PDE4B: variants seen among roughly 807,000 people sequenced by gnomAD.
PDE4B encodes the protein phosphodiesterase 4B, also known as 3',5'-cyclic-AMP phosphodiesterase 4B.
In PDE4B, 20 loss-of-function variants were observed where a neutral mutation model predicts 82.2. The ratio of observed to expected loss-of-function variants is 0.24; its 90% confidence interval spans 0.17 to 0.35. The LOEUF (loss-of-function observed/expected upper bound fraction) is 0.35. Among genes scored for constraint, PDE4B ranks in the 10% least tolerant of loss-of-function variants. PDE4B has a pLI of 1.00. For missense variants in PDE4B, 655 were observed against 907.2 expected (o/e 0.72, Z 3.57); for synonymous variants, 320 against 318.9 (o/e 1.00, Z -0.04).
intron 7 of PDE4B, among the ~76,000 whole-genome samples, chr1:66,304,573 A>G (rs568330611): frequency 3.5e-4 from 53 of 152,126 alleles, no homozygotes; most frequent in African/African-American, 1.2e-3. Flanking sequence ...GCCATTCTCA[A>G]TGCTTTCTAC....
chr1:66,149,309 T>A (rs959388318), intron 3 of PDE4B, among the ~76,000 whole-genome samples: 2 of 152,190 alleles, frequency 1.3e-5, no homozygotes, highest in African/African-American at 4.8e-5. Context: ...TTTAAATTAT[T>A]ATATTTTTAA....
At chr1:66,226,269 T>G (rs1651444840) in intron 3 of PDE4B, among the ~76,000 whole-genome samples, 1 of 144,772 alleles carries the variant, frequency 6.9e-6, no homozygotes, top group Non-Finnish European at 1.5e-5. Context: ...TCAGGCACTG[T>G]ACTAGGCTCT....
At chr1:65,805,747 A>G (rs1204681475) in intron 1 of PDE4B, among the ~76,000 whole-genome samples, 1 of 152,168 alleles carries the variant, frequency 6.6e-6, no homozygotes, top group Non-Finnish European at 1.5e-5. Context: ...GTAGAATTCT[A>G]GGAAGCCATT....
intron 6 of PDE4B, among the ~76,000 whole-genome samples, chr1:66,261,507 A>G (rs1654680196): frequency 6.6e-6 from 1 of 152,148 alleles, no homozygotes; most frequent in African/African-American, 2.4e-5. Context: ...TGTAGCATTT[A>G]AGCAATAATT....
intron 3 of PDE4B, among the ~76,000 whole-genome samples, chr1:65,943,608 CA>C (rs1308348586): frequency 1.3e-5 from 2 of 151,968 alleles, no homozygotes; most frequent in Non-Finnish European, 2.9e-5. Context: ...GACATTTTAA[CA>C]ATATGAATTC....
chr1:66,230,171 T>C (rs1330330982), intron 3 of PDE4B, among the ~76,000 whole-genome samples: 1 of 152,154 alleles, frequency 6.6e-6, no homozygotes, highest in Non-Finnish European at 1.5e-5. Context: ...CTTGCTCACA[T>C]ATGGACTTGA....
intron 3 of PDE4B, among the ~76,000 whole-genome samples, chr1:65,933,626 G>A (rs910367059): frequency 2.0e-5 from 3 of 151,856 alleles, no homozygotes; most frequent in Non-Finnish European, 4.4e-5. Context: ...CGAGATCATC[G>A]TGCCATTGCA....
intron 7 of PDE4B, among the ~76,000 whole-genome samples, chr1:66,278,390 G>A (rs1188730118): frequency 6.6e-6 from 1 of 152,220 alleles, no homozygotes; most frequent in Non-Finnish European, 1.5e-5. Flanking sequence ...AATCTGTGAT[G>A]CCAATCTGGA....
intron 1 of PDE4B, among the ~76,000 whole-genome samples, chr1:65,908,444 T>C (rs947458685): frequency 2.0e-5 from 3 of 152,086 alleles, no homozygotes; most frequent in Non-Finnish European, 4.4e-5. Flanking sequence ...TGGAGAAGGA[T>C]TTTGTGCTTT....
At chr1:65,881,763 C>T (rs1199423007) in intron 1 of PDE4B, among the ~76,000 whole-genome samples, 2 of 152,150 alleles carry the variant, frequency 1.3e-5, no homozygotes, top group Admixed American at 6.5e-5. Flanking sequence ...TTAAAGCAAC[C>T]TTAAGTTACC....
At chr1:65,887,259 C>CT (rs1646795739) in intron 1 of PDE4B, among the ~76,000 whole-genome samples, 1 of 45,010 alleles carries the variant, frequency 2.2e-5, no homozygotes, top group African/African-American at 9.5e-5. Flanking sequence ...TTCTTTCTTT[C>CT]TTTCCTTCCT....
chr1:65,877,290 C>A (rs922614702), intron 1 of PDE4B, among the ~76,000 whole-genome samples: 5 of 152,134 alleles, frequency 3.3e-5, no homozygotes, highest in African/African-American at 1.2e-4. Flanking sequence ...TTGACACAAA[C>A]AAGCAATGAG....
chr1:65,907,925 G>A lies in PDE4B; in HGVS notation c.-70-5320G>A, dbSNP rs368645659. 8.1e-4 allele frequency among the ~76,000 whole-genome samples: 124 copies of A among 152,222 alleles called. 1 individual carries two copies. The highest frequency in any genetic ancestry group is 3.3e-4 in the Admixed American group (5 of 15,268). ...ATCAAACTATTTCACGTTCTGTAAG[G>A]ATAGACATACACAAGGGTGGTCTCG... On this transcript the variant is annotated intron_variant, in intron 1 of 16. Coordinates refer to ENST00000341517, the MANE Select transcript of PDE4B (RefSeq NM_002600.4).
intron 3 of PDE4B, among the ~76,000 whole-genome samples, chr1:66,149,067 G>T (rs950299482): frequency 7.2e-5 from 11 of 152,176 alleles, no homozygotes; most frequent in African/African-American, 2.4e-4. Context: ...CCCAAAGAAG[G>T]TGTACCGTTT....
At chr1:66,279,081 C>T (rs937958340) in intron 7 of PDE4B, among the ~76,000 whole-genome samples, 2 of 152,148 alleles carry the variant, frequency 1.3e-5, no homozygotes, top group Non-Finnish European at 2.9e-5. Context: ...TCTGCATGCT[C>T]TTCACACTTC....
intron 3 of PDE4B, among the ~76,000 whole-genome samples, chr1:66,187,344 G>T (rs150944901): frequency 3.3e-5 from 5 of 151,590 alleles, no homozygotes; most frequent in Admixed American, 6.6e-5. Context: ...GATGCTGGCC[G>T]CATAAAATGC....
At chr1:65,857,399 C>T (rs1005746828) in intron 1 of PDE4B, among the ~76,000 whole-genome samples, 1 of 152,146 alleles carries the variant, frequency 6.6e-6, no homozygotes, top group Non-Finnish European at 1.5e-5. Flanking sequence ...TGTGATTCCA[C>T]CTCTTAGCAT....
At chr1:65,797,203 C>T (rs545623278) in intron 1 of PDE4B, among the ~76,000 whole-genome samples, 1 of 152,248 alleles carries the variant, frequency 6.6e-6, no homozygotes, top group South Asian at 2.1e-4. Flanking sequence ...ATCCACCTGC[C>T]TCGGCCTCCC....
At chr1:66,087,104 C>T (rs988018403) in intron 3 of PDE4B, among the ~76,000 whole-genome samples, 1 of 152,024 alleles carries the variant, frequency 6.6e-6, no homozygotes, top group African/African-American at 2.4e-5. Flanking sequence ...AAAGATAAAG[C>T]CAGAAAGGTA....
Sources: allele counts gnomAD v4.1 joint callset (sites outside exome capture counted in the v4.1 genomes callset), GRCh38; gene constraint gnomAD v4.1.1; transcripts MANE v1.5; gene names NCBI Gene and HGNC (gene_info 2026-07-23, HGNC 2026-07-21).